The following CEACAM4 variants were observed in gnomAD, a reference collection of about 807,000 sequenced individuals.
CEACAM4 encodes CEA cell adhesion molecule 4.
In CEACAM4, 30 loss-of-function variants were observed where a neutral mutation model predicts 28.7. That is an observed-to-expected ratio of 1.05 (90% CI 0.78 to 1.42). The LOEUF is 1.42. Among genes scored for constraint, CEACAM4 ranks in the 40% most tolerant of loss-of-function variants. CEACAM4 has a pLI of 0.00. For synonymous variants in CEACAM4, 143 were observed against 126.5 expected (o/e 1.13, Z -0.87); for missense variants, 330 against 308.2 (o/e 1.07, Z -0.53).
intron 2 of CEACAM4, among the ~76,000 whole-genome samples, chr19:41,622,135 T>A (rs991972094): frequency 2.3e-4 from 35 of 151,944 alleles, no homozygotes; most frequent in African/African-American, 7.7e-4. Flanking sequence ...TGGAGTGCAC[T>A]GACGCAATCT....
chr19:41,620,318 C>T lies in CEACAM4; in HGVS notation c.596-76G>A, dbSNP rs1009985749. Reference sequence around the variant, plus strand: ...CCTCCTGCAGGAGAGTGTAGGGGTCCTCAGCTCCCAGAGAATCAGGGAGAG... The same window carrying T: ...CCTCCTGCAGGAGAGTGTAGGGGTCTTCAGCTCCCAGAGAATCAGGGAGAG... On this transcript the variant is annotated intron_variant, in intron 4 of 6. Transcript: ENST00000221954. The T allele has an allele frequency of 4.4e-5, 57 of 1,286,396 alleles. 1 individual carries two copies. The South Asian group carries it at 9.2e-4, about 21-fold the overall frequency. 79.7% of individuals were successfully genotyped at this position (1,286,396 alleles called of 1,614,324 possible). A position where few individuals can be genotyped will look rare whatever the true frequency, so the allele number is the denominator to read the frequency against.
rs1600353117 is a variant in CEACAM4, at chr19:41,620,752, T to A, written c.543-125A>T. 7 of 813,780 alleles carry A rather than the reference T, an allele frequency of 8.6e-6. No homozygotes were observed. The East Asian group carries it at 1.9e-4, about 22-fold the overall frequency. 50.4% of individuals were successfully genotyped at this position (813,780 alleles called of 1,614,324 possible). ...GTGAAGGCCTCCTGTCTCCATCAGT[T>A]TCGTGGTAGGAGCGGCCGAGGACGG... On this transcript the variant is annotated intron_variant, in intron 3 of 6. Coordinates refer to ENST00000221954, the MANE Select transcript of CEACAM4 (RefSeq NM_001817.4).
intron 2 of CEACAM4, among the ~76,000 whole-genome samples, chr19:41,625,387 G>A (rs1442530493): frequency 6.0e-5 from 9 of 151,206 alleles, no homozygotes; most frequent in East Asian, 5.9e-4. Flanking sequence ...AGGCCCCCCC[G>A]CCCCCGCCAT....
At chr19:41,626,785 C>G (rs2071692618) in intron 1 of CEACAM4, 115 bp downstream of exon 1, 3 of 819,040 alleles carry the variant, frequency 3.7e-6, no homozygotes, top group African/African-American at 1.8e-5. Context: ...CCTCAGTCCC[C>G]TCTCAGAGCC....
At chr19:41,619,740 G>T in intron 5 of CEACAM4, 29 bp from the exon 6 acceptor site, 1 of 1,531,998 alleles carries the variant, frequency 6.5e-7, no homozygotes, top group East Asian at 2.4e-5. Context: ...AGATGTCAGG[G>T]GACAGGGAGG....
Position 41,627,003 on chromosome 19 carries a change from G to T in CEACAM4, c.-40C>A. 1 of 1,553,998 alleles carries T rather than the reference G, an allele frequency of 6.4e-7. No individual in the cohort carries two copies. The highest frequency in any genetic ancestry group is 2.4e-5 in the East Asian group (1 of 41,816). On this transcript the variant is annotated 5_prime_UTR_variant, in exon 1 of 7. Transcript: ENST00000221954. ...GCTTGTCCTCTGTGGAGAGGAGCTG[G>T]GCTCCAGGAACGCTCTTGTCAGAGC...
intron 2 of CEACAM4, among the ~76,000 whole-genome samples, chr19:41,625,191 C>T (rs963817637): frequency 2.0e-5 from 3 of 152,184 alleles, no homozygotes; most frequent in Admixed American, 6.5e-5. Context: ...GCCCAGGAGA[C>T]CACACCCCAG....
chr19:41,621,875 A>G, intron 2 of CEACAM4, 107 bp from the exon 3 acceptor site: 3 of 709,404 alleles, frequency 4.2e-6, no homozygotes, highest in Non-Finnish European at 7.6e-6. Flanking sequence ...GAAATGCTCC[A>G]GAGCCTGAGT....
chr19:41,625,739 T>A lies in CEACAM4; in HGVS notation c.286A>T (p.Ser96Cys), dbSNP rs202066347. The A allele has an allele frequency of 3.0e-5, 49 of 1,613,920 alleles. No individual in the cohort carries two copies. Among genetic ancestry groups the A allele is most frequent in the South Asian group, 2.0e-4 (18 of 91,084 alleles). ...IQANIPGAAY[S>C]GRETVYPNGS... ...TTGGGGTATACTGTCTCTCGACCAC[T>A]GTATGCGGCCCCTGGGATATTTGCT... Residue 96 changes from serine to cysteine, a missense_variant, in exon 2 of 7, where the codon AGT becomes TGT. Coordinates refer to ENST00000221954, the MANE Select transcript of CEACAM4 (RefSeq NM_001817.4).
chr19:41,623,419 A>ATTTTTTTTTTTTTTTTTTTTTTTTCCCT (rs57004828), intron 2 of CEACAM4, among the ~76,000 whole-genome samples: 2 of 105,060 alleles, frequency 1.9e-5, no homozygotes, highest in Non-Finnish European at 3.9e-5. Context: ...TTCGAACTGC[A>ATTTTTTTTTTTTTTTTTTTTTTTTCCCT]TTTTTTTTTT....
At chr19:41,621,302 C>T (rs1453347765) in intron 3 of CEACAM4, among the ~76,000 whole-genome samples, 1 of 152,136 alleles carries the variant, frequency 6.6e-6, no homozygotes, top group East Asian at 1.9e-4. Flanking sequence ...CCTGCAAATC[C>T]CTCCTCACTG....
chr19:41,618,536 A>T (rs529516099), downstream of CEACAM4, among the ~76,000 whole-genome samples: 2 of 152,312 alleles, frequency 1.3e-5, no homozygotes, highest in East Asian at 3.9e-4. Context: ...ATTTGGGGAC[A>T]GGTAAGTTCA....
chr19:41,625,358 G>T (rs2071567777), intron 2 of CEACAM4, among the ~76,000 whole-genome samples: 1 of 152,090 alleles, frequency 6.6e-6, no homozygotes, highest in African/African-American at 2.4e-5. Flanking sequence ...GCTTGGCTGA[G>T]ACTGACCTCC....
chr19:41,622,842 A>G (rs1447196599), intron 2 of CEACAM4, among the ~76,000 whole-genome samples: 4 of 118,626 alleles, frequency 3.4e-5, no homozygotes, highest in African/African-American at 1.3e-4. Context: ...TCTAGCATAT[A>G]TATACATATA....
downstream of CEACAM4, among the ~76,000 whole-genome samples, chr19:41,615,995 G>T (rs2070978226): frequency 6.6e-6 from 1 of 152,112 alleles, no homozygotes; most frequent in Admixed American, 6.5e-5. Flanking sequence ...TTCCTTTTCT[G>T]GGTAAAGTGA....
At chr19:41,617,913 G>T (rs550962698), downstream of CEACAM4, among the ~76,000 whole-genome samples, 2 of 150,156 alleles carry the variant, frequency 1.3e-5, no homozygotes, top group African/African-American at 4.9e-5. Flanking sequence ...TGGGATCAGG[G>T]GTCATTTAGA....
intron 2 of CEACAM4, among the ~76,000 whole-genome samples, chr19:41,622,392 TC>T (rs1440418183): frequency 6.6e-6 from 1 of 152,174 alleles, no homozygotes; most frequent in African/African-American, 2.4e-5. Flanking sequence ...TCTTGTTTCT[TC>T]TTTTCCATTC....
downstream of CEACAM4, among the ~76,000 whole-genome samples, chr19:41,617,671 C>T (rs1395620813): frequency 6.6e-6 from 1 of 152,096 alleles, no homozygotes; most frequent in African/African-American, 2.4e-5. Flanking sequence ...TTTCAAGATG[C>T]TGTGCTGCTG....
chr19:41,616,729 G>A (rs1160528714), downstream of CEACAM4, among the ~76,000 whole-genome samples: 1 of 152,158 alleles, frequency 6.6e-6, no homozygotes, highest in Non-Finnish European at 1.5e-5. Context: ...GGAGGAGCAG[G>A]ATGCTGAGCT....
Sources: gnomAD v4.1 joint callset for allele counts (sites outside exome capture counted in the v4.1 genomes callset) on GRCh38, gnomAD v4.1.1 for gene constraint, MANE v1.5 for transcripts, NCBI Gene and HGNC (gene_info 2026-07-23, HGNC 2026-07-21) for gene names.